TMEM135: variants seen among roughly 807,000 people sequenced by gnomAD.
TMEM135 encodes transmembrane protein 135, also known as peroxisomal membrane protein 52.
TMEM135 carries 30 observed loss-of-function variants against 60.3 expected under a neutral mutation model. The ratio of observed to expected loss-of-function variants is 0.50; its 90% CI spans 0.37 to 0.68. The LOEUF (loss-of-function observed/expected upper bound fraction) is 0.68. TMEM135 is among the 30% of genes least tolerant of loss of function. The pLI, the probability that TMEM135 is intolerant of heterozygous loss-of-function variation, is 0.00. For missense variants in TMEM135, 468 were observed against 548.8 expected (o/e 0.85, Z 1.47); for synonymous variants, 190 against 186.7 (o/e 1.02, Z -0.14).
intron 4 of TMEM135, among the ~76,000 whole-genome samples, chr11:87,119,917 A>G (rs565631037): frequency 5.2e-4 from 79 of 152,158 alleles, no homozygotes; most frequent in South Asian, 2.1e-3. Flanking sequence ...GTGAAGTGCA[A>G]TAAAATAAGA....
At chr11:87,284,119 A>G in intron 6 of TMEM135, among the ~76,000 whole-genome samples, 1 of 62,304 alleles carries the variant, frequency 1.6e-5, no homozygotes, top group African/African-American at 4.6e-5. Context: ...ATTATTTGAT[A>G]TTTTTTTGGT....
intron 4 of TMEM135, among the ~76,000 whole-genome samples, chr11:87,156,490 C>G (rs977838849): frequency 6.6e-6 from 1 of 152,102 alleles, no homozygotes; most frequent in Non-Finnish European, 1.5e-5. Context: ...AAACCATGAG[C>G]ACAGGATGTC....
intron 5 of TMEM135, among the ~76,000 whole-genome samples, chr11:87,234,751 C>G (rs1435425488): frequency 6.6e-6 from 1 of 152,046 alleles, no homozygotes. Context: ...AAACCCAGAT[C>G]TATCTTACTC....
chr11:87,087,726 G>A (rs1005544591), intron 3 of TMEM135, among the ~76,000 whole-genome samples: 6 of 151,828 alleles, frequency 4.0e-5, no homozygotes, highest in African/African-American at 9.7e-5. Flanking sequence ...TATTCCATAC[G>A]GAATCTCAGA....
At chr11:87,199,559 G>C (rs1354778905) in intron 5 of TMEM135, among the ~76,000 whole-genome samples, 1 of 152,222 alleles carries the variant, frequency 6.6e-6, no homozygotes, top group African/African-American at 2.4e-5. Flanking sequence ...GGATGAGGTA[G>C]ATACATATAG....
At chr11:87,255,468 G>T (rs1480032383) in intron 6 of TMEM135, among the ~76,000 whole-genome samples, 1 of 152,094 alleles carries the variant, frequency 6.6e-6, no homozygotes, top group Admixed American at 6.5e-5. Context: ...AAAGCCACAG[G>T]TGACTCTTAA....
At chr11:87,254,383 A>G (rs561863301) in intron 6 of TMEM135, among the ~76,000 whole-genome samples, 2 of 152,302 alleles carry the variant, frequency 1.3e-5, no homozygotes, top group African/African-American at 4.8e-5. Context: ...CTTCAATGCC[A>G]TATATAACAG....
At chr11:87,309,937 C>G (rs1195556938) in intron 10 of TMEM135, among the ~76,000 whole-genome samples, 1 of 151,966 alleles carries the variant, frequency 6.6e-6, no homozygotes, top group Non-Finnish European at 1.5e-5. Context: ...TTTTCTTTTT[C>G]AATATATAGA....
intron 5 of TMEM135, among the ~76,000 whole-genome samples, chr11:87,220,242 A>G (rs1408098456): frequency 6.6e-6 from 1 of 152,214 alleles, no homozygotes; most frequent in Non-Finnish European, 1.5e-5. Flanking sequence ...TTTCTGTTAA[A>G]ATATTAATCA....
At chr11:87,259,230 G>A (rs752466997) in intron 6 of TMEM135, 23 of 476,550 alleles carry the variant, frequency 4.8e-5, no homozygotes, top group Admixed American at 1.9e-4. Context: ...CAATTCCTCC[G>A]GGGATAGGGG....
intron 5 of TMEM135, among the ~76,000 whole-genome samples, chr11:87,180,158 TA>T (rs1347708320): frequency 6.6e-6 from 1 of 152,194 alleles, no homozygotes; most frequent in Non-Finnish European, 1.5e-5. Context: ...GTTTTTGTTT[TA>T]CTTTTCTGGT....
At chr11:87,231,783 TAGG>T (rs1240985823) in intron 5 of TMEM135, among the ~76,000 whole-genome samples, 1 of 151,826 alleles carries the variant, frequency 6.6e-6, no homozygotes, top group East Asian at 1.9e-4. Context: ...GATATGGAAA[TAGG>T]GGGAAAAAGG....
intron 4 of TMEM135, among the ~76,000 whole-genome samples, chr11:87,097,013 T>TC (rs1369723035): frequency 6.6e-6 from 1 of 151,698 alleles, no homozygotes; most frequent in African/African-American, 2.4e-5. Flanking sequence ...TTTTTTTTTT[T>TC]CAAGACAGGG....
intron 6 of TMEM135, chr11:87,258,955 G>A (rs615304): frequency 0.23 from 339,650 of 1,502,918 alleles, 40,200 homozygotes; most frequent in South Asian, 0.32. Flanking sequence ...CTGTTGCTCG[G>A]TTTGCATCTT....
At chr11:87,287,407 A>G (rs943950271) in intron 6 of TMEM135, among the ~76,000 whole-genome samples, 1 of 152,194 alleles carries the variant, frequency 6.6e-6, no homozygotes, top group African/African-American at 2.4e-5. Flanking sequence ...GGCCGGGCGC[A>G]GTGGCTCAAG....
At chr11:87,295,317 TC>T (rs1942330350) in intron 6 of TMEM135, among the ~76,000 whole-genome samples, 1 of 152,192 alleles carries the variant, frequency 6.6e-6, no homozygotes, top group African/African-American at 2.4e-5. Context: ...TTGAAACCTT[TC>T]TGTGCCTGCC....
intron 6 of TMEM135, among the ~76,000 whole-genome samples, chr11:87,250,875 T>A (rs1941402159): frequency 6.6e-6 from 1 of 152,138 alleles, no homozygotes; most frequent in Non-Finnish European, 1.5e-5. Flanking sequence ...AATTTGGGAT[T>A]TGGAGGGAGT....
rs201573717 is a variant in TMEM135, at chr11:87,202,730, T to TAAA, written c.463-33893_463-33891dup. On this transcript the variant is annotated intron_variant, in intron 5 of 14. Coordinates refer to ENST00000305494, the MANE Select transcript of TMEM135 (RefSeq NM_022918.4). ...CCAAGTGAATTTTTTTAAAAGACTT[T>TAAA]AAAAAAAAAAAAAAAAAGCAGACCG... Among the ~76,000 whole-genome samples the TAAA allele has an allele frequency of 6.1e-3, 817 of 134,404 alleles. 3 individuals carry two copies. Among genetic ancestry groups the TAAA allele is most frequent in the Non-Finnish European group, 7.6e-3 (476 of 62,516 alleles). The allele number at this position is 134,404 out of a possible 152,430, so 88.2% of individuals were successfully genotyped here.
chr11:87,322,285 G>T lies in TMEM135; in HGVS notation c.*952G>T. On this transcript the variant is annotated 3_prime_UTR_variant, in exon 15 of 15. Transcript: ENST00000305494. Reference sequence around the variant, plus strand: ...GTTGGCAGTTTGTGTCCTCTCAGCTGTTTAACTTATGTAATGGATGTTTTG... The same window carrying T: ...GTTGGCAGTTTGTGTCCTCTCAGCTTTTTAACTTATGTAATGGATGTTTTG... The T allele has an allele frequency of 4.4e-6, 2 of 454,126 alleles. No homozygotes were observed. The highest frequency in any genetic ancestry group is 3.1e-5 in the South Asian group (2 of 64,474). The allele number at this position is 454,126 out of a possible 1,614,324, so 28.1% of individuals were successfully genotyped here. A position where few individuals can be genotyped will look rare whatever the true frequency, so the allele number is the denominator to read the frequency against.
Sources: gnomAD v4.1 joint callset for allele counts (sites outside exome capture counted in the v4.1 genomes callset) on GRCh38, gnomAD v4.1.1 for gene constraint, MANE v1.5 for transcripts, NCBI Gene and HGNC (gene_info 2026-07-23, HGNC 2026-07-21) for gene names.